Variants in DOCK4 observed in about 807,000 individuals in gnomAD.
The protein encoded by DOCK4 is dedicator of cytokinesis protein 4.
In DOCK4, 97 loss-of-function variants were observed where a neutral mutation model predicts 268.1. The observed-to-expected ratio is 0.36, with a 90% CI of 0.31 to 0.43. The LOEUF (loss-of-function observed/expected upper bound fraction) is 0.43, where lower values mean the gene tolerates loss of function less well. Among genes scored for constraint, DOCK4 ranks in the 20% least tolerant of loss-of-function variants. The probability of loss-of-function intolerance (pLI) is 1.00; values close to 1 mark genes in which losing one functional copy is unlikely to be tolerated. For synonymous variants in DOCK4, 954 were observed against 887.2 expected, an observed-to-expected ratio of 1.08 and a Z score of -1.34; for missense variants, 2,145 against 2,455.7, an observed-to-expected ratio of 0.87 and a Z score of 2.67.
At chr7:111,843,051 T>A (rs759573198) in intron 25 of DOCK4, among the ~76,000 whole-genome samples, 2 of 152,122 alleles carry the variant, frequency 1.3e-5, no homozygotes, top group Non-Finnish European at 2.9e-5. Context: ...TCAAATTGAA[T>A]GAAAAAGACA....
At chr7:111,875,908 A>G (rs538276479) in intron 17 of DOCK4, among the ~76,000 whole-genome samples, 34 of 152,352 alleles carry the variant, frequency 2.2e-4, no homozygotes, top group African/African-American at 7.9e-4. Flanking sequence ...ATACAACCCC[A>G]AAATATTCTA....
At chr7:111,836,234 A>G (rs1049949426) in intron 25 of DOCK4, among the ~76,000 whole-genome samples, 2 of 152,020 alleles carry the variant, frequency 1.3e-5, no homozygotes, top group Non-Finnish European at 2.9e-5. Flanking sequence ...CCAGACTGGA[A>G]AAACCTCACA....
At chr7:112,008,454 C>T (rs994169417) in intron 1 of DOCK4, among the ~76,000 whole-genome samples, 8 of 152,218 alleles carry the variant, frequency 5.3e-5, no homozygotes, top group Non-Finnish European at 1.2e-4. Context: ...CAGTTTAGTA[C>T]GTATTGACAG....
rs753375411 is a variant in DOCK4, at chr7:111,863,509, T to C, written c.2336A>G (p.Asp779Gly). ...GACCAAGTTGGCTACTTCCCGGACATCAAAGAGCTTCAACAGTTCTGAGTA... is the reference window on the plus strand; with the variant it reads ...GACCAAGTTGGCTACTTCCCGGACACCAAAGAGCTTCAACAGTTCTGAGTA... The part of the protein sequence containing the change: ...AVYSELLKLF[D>G]VREVANLVQD... The change falls in exon 23 of 53, where the codon GAT (aspartate) becomes GGT (glycine). Residue 779 changes from aspartate to glycine, a missense_variant. Physicochemically the swap from Asp to Gly is moderately conservative, Grantham distance 94. Around this residue, in one of 2 missense-constraint regions of DOCK4, gnomAD observed 1,598 missense variants for 1,986.7 expected, o/e 0.80. Transcript: ENST00000428084. 4.9e-5 allele frequency: 79 copies of C among 1,613,630 alleles called. No homozygotes were observed. The highest frequency in any genetic ancestry group is 6.3e-5 in the Non-Finnish European group (74 of 1,179,802).
At chr7:112,174,076 G>A (rs79944756) in intron 1 of DOCK4, among the ~76,000 whole-genome samples, 15,260 of 146,046 alleles carry the variant, frequency 0.1, 956 homozygotes, top group South Asian at 0.15. Flanking sequence ...CTCCACCTGC[G>A]TCCTGTTCTG....
intron 10 of DOCK4, among the ~76,000 whole-genome samples, chr7:111,942,709 C>CCACTCTGGCTTATACTCCTGCTCTTCCG (rs1286415372): frequency 6.6e-6 from 1 of 152,162 alleles, no homozygotes; most frequent in East Asian, 1.9e-4. Flanking sequence ...ACTCACCCCG[C>CCACTCTGGCTTATACTCCTGCTCTTCCG]CACTCTGGCT....
chr7:112,005,083 T>C (rs772530598), intron 1 of DOCK4, among the ~76,000 whole-genome samples: 1 of 152,090 alleles, frequency 6.6e-6, no homozygotes, highest in East Asian at 1.9e-4. Context: ...TCCTATGAAA[T>C]ACTATGCACA....
At chr7:112,195,691 C>T (rs1820359623) in intron 1 of DOCK4, among the ~76,000 whole-genome samples, 1 of 150,438 alleles carries the variant, frequency 6.6e-6, no homozygotes. Flanking sequence ...GAGATTATTC[C>T]ATTTTGGAGA....
At position 111,763,607 on chromosome 7, in the gene DOCK4, A is replaced by G. The variant is rs1467033793; in HGVS notation, c.4020+1511T>C. Among the ~76,000 whole-genome samples, 3 of 152,270 alleles carry G rather than the reference A, an allele frequency of 2.0e-5. No homozygotes were observed. In the East Asian group the frequency reaches 5.8e-4, roughly 29 times the overall value. On this transcript the variant is annotated intron_variant, in intron 39 of 52. Transcript: ENST00000428084. ...TATACTTTTAATTATAATCTTTCAG[A>G]CATGACTCTGCCAACAATGTCATGT...
chr7:111,889,414 G>A (rs968809564), intron 16 of DOCK4, among the ~76,000 whole-genome samples: 8 of 152,090 alleles, frequency 5.3e-5, no homozygotes, highest in African/African-American at 1.9e-4. Context: ...TCACTGGGCA[G>A]CAGGCTAGAT....
chr7:112,023,557 G>C, intron 1 of DOCK4: 1 of 411,532 alleles, frequency 2.4e-6, no homozygotes, highest in South Asian at 1.8e-5. Context: ...TTCCGGATCA[G>C]AGACCAGAGA....
chr7:111,906,374 G>A (rs1016506986), intron 13 of DOCK4, among the ~76,000 whole-genome samples: 1 of 152,134 alleles, frequency 6.6e-6, no homozygotes, highest in East Asian at 1.9e-4. Flanking sequence ...ATTTTAAAAT[G>A]TTGAAGTTCC....
At chr7:111,731,860 G>A (rs573159721) in intron 52 of DOCK4, among the ~76,000 whole-genome samples, 2 of 61,730 alleles carry the variant, frequency 3.2e-5, no homozygotes, top group Admixed American at 2.6e-4. Flanking sequence ...CTCAATCTAA[G>A]TGTGTGTGTG....
intron 1 of DOCK4, among the ~76,000 whole-genome samples, chr7:112,022,310 A>G (rs1394953128): frequency 6.6e-6 from 1 of 152,238 alleles, no homozygotes; most frequent in Admixed American, 6.5e-5. Flanking sequence ...AGGTATTCTT[A>G]TCTGTATTTT....
intron 27 of DOCK4, among the ~76,000 whole-genome samples, chr7:111,817,258 A>G (rs1439565489): frequency 6.6e-6 from 1 of 152,190 alleles, no homozygotes; most frequent in East Asian, 1.9e-4. Flanking sequence ...ATAAGTATCT[A>G]TTATCTCCCT....
chr7:112,189,907 T>C (rs1265882248), intron 1 of DOCK4, among the ~76,000 whole-genome samples: 1 of 152,140 alleles, frequency 6.6e-6, no homozygotes, highest in African/African-American at 2.4e-5. Flanking sequence ...ATGGCAATTT[T>C]ACATAGTCAC....
At chr7:112,091,369 T>C (rs1809612165) in intron 1 of DOCK4, among the ~76,000 whole-genome samples, 2 of 152,142 alleles carry the variant, frequency 1.3e-5, no homozygotes, top group Non-Finnish European at 2.9e-5. Flanking sequence ...AGGAGAGATG[T>C]CTGGGCATTC....
Position 111,762,762 on chromosome 7 carries a change from C to CTTTTTTTTTTTTTTTTTTTTTTT in DOCK4, c.4020+2333_4020+2355dup, listed in dbSNP as rs869052136. Among the ~76,000 whole-genome samples the CTTTTTTTTTTTTTTTTTTTTTTT allele has an allele frequency of 2.3e-3, 145 of 63,068 alleles. 19 individuals carry two copies. In the Middle Eastern group the frequency reaches 0.043, roughly 19 times the overall value. The allele number at this position is 63,068 out of a possible 152,430, so 41.4% of individuals were successfully genotyped here. A position where few individuals can be genotyped will look rare whatever the true frequency, so the allele number is the denominator to read the frequency against. On this transcript the variant is annotated intron_variant, in intron 39 of 52. Transcript: ENST00000428084. ...TAAATAACCCATTTTGTTTTGTTTT[C>CTTTTTTTTTTTTTTTTTTTTTTT]TTTTTTTTTTTTTTTTTTTTTTTTG...
intron 1 of DOCK4, among the ~76,000 whole-genome samples, chr7:112,053,817 C>A (rs1360270536): frequency 1.3e-5 from 2 of 152,178 alleles, no homozygotes; most frequent in Non-Finnish European, 2.9e-5. Flanking sequence ...GCGCTGGGAC[C>A]TTACCTAAGC....
Sources: allele counts gnomAD v4.1 joint callset (sites outside exome capture counted in the v4.1 genomes callset), GRCh38; gene constraint gnomAD v4.1.1; regional missense constraint gnomAD v4.1.1; transcripts MANE v1.5; gene names NCBI Gene and HGNC (gene_info 2026-07-23, HGNC 2026-07-21).